The following CFAP54 variants were observed in gnomAD, a reference collection of about 807,000 sequenced individuals.
CFAP54 encodes the protein cilia- and flagella-associated protein 54.
CFAP54 carries 290 observed loss-of-function variants against 370.4 expected under a neutral mutation model. The observed-to-expected ratio is 0.78, with a 90% CI of 0.71 to 0.86. CFAP54 has a LOEUF of 0.86. CFAP54 is among the 40% of genes least tolerant of loss of function. The pLI, the probability that CFAP54 is intolerant of heterozygous loss-of-function variation, is 0.00. For missense variants in CFAP54, 3,399 were observed against 3,528.7 expected (o/e 0.96, Z 0.93); for synonymous variants, 1,206 against 1,236.5 (o/e 0.98, Z 0.52).
intron 48 of CFAP54, among the ~76,000 whole-genome samples, chr12:96,714,856 A>G (rs1461237986): frequency 3.3e-5 from 5 of 152,076 alleles, no homozygotes; most frequent in Admixed American, 3.3e-4. Flanking sequence ...GAAAATAATG[A>G]TGGTGCAAGG....
At position 96,744,107 on chromosome 12, in the gene CFAP54, C is replaced by T. The variant is rs746455185; in HGVS notation, c.7645C>T (p.Pro2549Ser). 6.2e-7 allele frequency: 1 copy of T among 1,609,580 alleles called. No homozygotes were observed. Among genetic ancestry groups the T allele is most frequent in the Admixed American group, 1.7e-5 (1 of 59,812 alleles). Residue 2549 changes from proline to serine, a missense_variant, in exon 55 of 68, where the codon CCC (proline) becomes TCC (serine). Pro to Ser is a moderately conservative substitution (Grantham distance 74). Around this residue, in one of 3 missense-constraint regions of CFAP54, gnomAD observed 2,796 missense variants for 2,869.7 expected, o/e 0.97. Transcript: ENST00000524981. ...PLQPLKNIYL[P>S]HVMLLAKIKM... Reference sequence around the variant, plus strand: ...ACAGCCTTTGAAAAATATCTATCTTCCCCATGTCATGTTATTGGCCAAAAT... The same window carrying T: ...ACAGCCTTTGAAAAATATCTATCTTTCCCATGTCATGTTATTGGCCAAAAT...
chr12:96,780,335 A>G (rs979981519), intron 60 of CFAP54, among the ~76,000 whole-genome samples: 1 of 152,148 alleles, frequency 6.6e-6, no homozygotes. Context: ...TTCACCCAGA[A>G]TCTATTTTTG....
intron 66 of CFAP54, among the ~76,000 whole-genome samples, chr12:96,839,908 G>A (rs184378691): frequency 2.0e-5 from 3 of 152,298 alleles, no homozygotes; most frequent in Admixed American, 1.3e-4. Context: ...TCACAACATG[G>A]TAGTAGGGTT....
intron 63 of CFAP54, among the ~76,000 whole-genome samples, chr12:96,802,958 T>C (rs111689204): frequency 0.012 from 1,901 of 152,270 alleles, 42 homozygotes; most frequent in African/African-American, 0.043. Context: ...GTTAGTTTGC[T>C]GAGAAAATGG....
chr12:96,724,002 A>G (rs950163822), intron 50 of CFAP54, among the ~76,000 whole-genome samples: 1 of 152,054 alleles, frequency 6.6e-6, no homozygotes, highest in African/African-American at 2.4e-5. Context: ...TACAAAGGAC[A>G]TGATCTCATC....
chr12:96,608,397 C>T (rs1033816286), intron 26 of CFAP54, among the ~76,000 whole-genome samples: 1 of 148,932 alleles, frequency 6.7e-6, no homozygotes, highest in Non-Finnish European at 1.5e-5. Flanking sequence ...TCTCTATATA[C>T]ATGTTTAAAG....
intron 26 of CFAP54, among the ~76,000 whole-genome samples, chr12:96,620,611 C>A (rs1592888923): frequency 1.3e-5 from 2 of 152,358 alleles, no homozygotes; most frequent in East Asian, 1.9e-4. Flanking sequence ...TAAATACTAA[C>A]ATACTCAACA....
chr12:96,798,483 G>A (rs1336114827), intron 63 of CFAP54, among the ~76,000 whole-genome samples: 1 of 152,126 alleles, frequency 6.6e-6, no homozygotes, highest in Admixed American at 6.6e-5. Flanking sequence ...TGCTTTGGAA[G>A]TTTTAGGACT....
At chr12:96,561,728 C>G (rs998769663) in intron 17 of CFAP54, among the ~76,000 whole-genome samples, 1 of 145,162 alleles carries the variant, frequency 6.9e-6, no homozygotes, top group African/African-American at 2.7e-5. Context: ...CACACACACA[C>G]ACACACACAC....
chr12:96,559,999 G>A (rs1461196059), intron 17 of CFAP54, among the ~76,000 whole-genome samples: 1 of 151,660 alleles, frequency 6.6e-6, no homozygotes, highest in Non-Finnish European at 1.5e-5. Context: ...ATTTTTAATT[G>A]GTATATAATA....
chr12:96,683,886 G>C (rs947568159), intron 40 of CFAP54, among the ~76,000 whole-genome samples: 2 of 152,044 alleles, frequency 1.3e-5, no homozygotes, highest in African/African-American at 4.8e-5. Context: ...CCACCTCCCG[G>C]GTTCAAGCAA....
intron 55 of CFAP54, among the ~76,000 whole-genome samples, chr12:96,751,428 TATC>T (rs1958181930): frequency 6.6e-6 from 1 of 152,136 alleles, no homozygotes; most frequent in African/African-American, 2.4e-5. Flanking sequence ...TTAGTGCCAT[TATC>T]ATATTGTATA....
Position 96,829,102 on chromosome 12 carries a change from C to A in CFAP54, c.9171+14C>A. ...CCACTATCTGAGGTATGTATTTCTC[C>A]TTTAAAATTGTATCTAATTCACTCA... On this transcript the variant is annotated intron_variant, in intron 66 of 67. Transcript: ENST00000524981. The A allele has an allele frequency of 1.4e-6, 2 of 1,415,124 alleles. No individual in the cohort carries two copies. The highest frequency in any genetic ancestry group is 1.9e-6 in the Non-Finnish European group (2 of 1,044,116). The allele number at this position is 1,415,124 out of a possible 1,614,324, so 87.7% of individuals were successfully genotyped here. A position where few individuals can be genotyped will look rare whatever the true frequency, so the allele number is the denominator to read the frequency against.
At chr12:96,700,316 C>T (rs1489484882) in intron 46 of CFAP54, among the ~76,000 whole-genome samples, 2 of 152,044 alleles carry the variant, frequency 1.3e-5, no homozygotes, top group Non-Finnish European at 2.9e-5. Flanking sequence ...TTTTTGCAAT[C>T]GAATTCTGGC....
intron 38 of CFAP54, among the ~76,000 whole-genome samples, chr12:96,659,565 A>G (rs1470063987): frequency 6.6e-6 from 1 of 152,276 alleles, no homozygotes; most frequent in Non-Finnish European, 1.5e-5. Context: ...CAACGCAATT[A>G]TAAAATATCA....
At chr12:96,515,642 A>T (rs1955221870) in intron 5 of CFAP54, among the ~76,000 whole-genome samples, 1 of 152,084 alleles carries the variant, frequency 6.6e-6, no homozygotes, top group Non-Finnish European at 1.5e-5. Flanking sequence ...ATAGCCTAAG[A>T]CGGAAGGAGA....
chr12:96,645,760 A>T (rs1488817682), intron 33 of CFAP54: 2 of 152,160 alleles, frequency 1.3e-5, no homozygotes, highest in South Asian at 2.1e-4. Flanking sequence ...AGATATAGAC[A>T]AATGGAACAG....
intron 1 of CFAP54, among the ~76,000 whole-genome samples, chr12:96,492,741 C>A (rs1253563447): frequency 6.6e-6 from 1 of 152,206 alleles, no homozygotes; most frequent in Admixed American, 6.5e-5. Flanking sequence ...GCCTGTAATC[C>A]CAGCACTCTG....
At chr12:96,841,186 G>A (rs974572791) in intron 66 of CFAP54, among the ~76,000 whole-genome samples, 2 of 152,180 alleles carry the variant, frequency 1.3e-5, no homozygotes, top group African/African-American at 4.8e-5. Flanking sequence ...TACTGTGAAC[G>A]TGATGAGAAG....
Sources: allele counts gnomAD v4.1 joint callset (sites outside exome capture counted in the v4.1 genomes callset), GRCh38; gene constraint gnomAD v4.1.1; regional missense constraint gnomAD v4.1.1; transcripts MANE v1.5; gene names NCBI Gene and HGNC (gene_info 2026-07-23, HGNC 2026-07-21).